The following TMEM150C variants were observed in gnomAD, a reference collection of about 807,000 sequenced individuals.
The protein encoded by TMEM150C is transmembrane protein 150C, also known as tentonin 3.
A neutral mutation model predicts 29.9 loss-of-function variants in TMEM150C; 10 were observed. That is an observed-to-expected ratio of 0.33 (90% CI 0.21 to 0.57). The LOEUF (loss-of-function observed/expected upper bound fraction) is 0.57. Among genes scored for constraint, TMEM150C ranks in the 20% least tolerant of loss-of-function variants. The probability of loss-of-function intolerance (pLI) is 0.88; values close to 1 mark genes in which losing one functional copy is unlikely to be tolerated. For missense variants in TMEM150C, 251 were observed against 303.6 expected (o/e 0.83, Z 1.29); for synonymous variants, 101 against 112.5 (o/e 0.90, Z 0.64).
At chr4:82,544,479 A>G (rs767136295) in intron 1 of TMEM150C, among the ~76,000 whole-genome samples, 48 of 152,332 alleles carry the variant, frequency 3.2e-4, no homozygotes, top group Admixed American at 1.2e-3. Context: ...GACCAGTATC[A>G]TTAAGATCAA....
At chr4:82,495,049 C>A (rs1723498343) in intron 6 of TMEM150C, 3 of 1,229,772 alleles carry the variant, frequency 2.4e-6, no homozygotes, top group Non-Finnish European at 3.4e-6. Flanking sequence ...CGTGGAGTAA[C>A]AAGATGCTGA....
At chr4:82,502,186 G>T (rs989925107) in intron 5 of TMEM150C, among the ~76,000 whole-genome samples, 6 of 152,158 alleles carry the variant, frequency 3.9e-5, no homozygotes, top group Admixed American at 3.3e-4. Flanking sequence ...AGGAACTGGG[G>T]CTAGATATGA....
chr4:82,485,933 C>G (rs1427600546), intron 7 of TMEM150C, among the ~76,000 whole-genome samples: 2 of 152,170 alleles, frequency 1.3e-5, no homozygotes, highest in Non-Finnish European at 2.9e-5. Flanking sequence ...TAGGTGCTTT[C>G]ATGGATAGTA....
chr4:82,490,501 GA>G (rs1480027908), intron 6 of TMEM150C, among the ~76,000 whole-genome samples: 1 of 152,146 alleles, frequency 6.6e-6, no homozygotes, highest in Admixed American at 6.6e-5. Context: ...TACAGAAAAA[GA>G]AATGTTTCTA....
chr4:82,503,701 T>G (rs1170616655), intron 2 of TMEM150C, among the ~76,000 whole-genome samples: 1 of 151,858 alleles, frequency 6.6e-6, no homozygotes, highest in Non-Finnish European at 1.5e-5. Context: ...ATACAAAAAA[T>G]TAACTGGGTG....
intron 6 of TMEM150C, among the ~76,000 whole-genome samples, chr4:82,493,184 A>G (rs1054246829): frequency 6.6e-6 from 1 of 151,728 alleles, no homozygotes; most frequent in Non-Finnish European, 1.5e-5. Context: ...CTTTCCTTTT[A>G]CAATTTTTTC....
chr4:82,555,231 C>T (rs561861951), intron 1 of TMEM150C, among the ~76,000 whole-genome samples: 65 of 152,240 alleles, frequency 4.3e-4, no homozygotes, highest in African/African-American at 1.5e-3. Flanking sequence ...AACTATGTCA[C>T]GAGGCACTTG....
intron 2 of TMEM150C, among the ~76,000 whole-genome samples, chr4:82,503,589 G>A (rs974802794): frequency 6.6e-6 from 1 of 152,256 alleles, no homozygotes; most frequent in East Asian, 1.9e-4. Flanking sequence ...AGTGGCTCAC[G>A]CCTGTAATCC....
intron 1 of TMEM150C, among the ~76,000 whole-genome samples, chr4:82,554,361 T>C (rs1249875549): frequency 1.3e-5 from 2 of 152,200 alleles, no homozygotes; most frequent in African/African-American, 4.8e-5. Context: ...AGTAAAAAAA[T>C]ACTATTTCTA....
At chr4:82,561,425 C>T (rs1229811253) in intron 1 of TMEM150C, among the ~76,000 whole-genome samples, 1 of 152,214 alleles carries the variant, frequency 6.6e-6, no homozygotes, top group African/African-American at 2.4e-5. Context: ...CCTGACCTGG[C>T]TAACCGCAAA....
Position 82,561,076 on chromosome 4 carries a change from TG to T in TMEM150C, c.-11+829del, listed in dbSNP as rs534414715. Reference sequence around the variant, plus strand: ...ATGTGTGGGACATCATAAAGTGCTGTGGGGGTAGGGGTGGAGGAAAGGAATG... The same window carrying T: ...ATGTGTGGGACATCATAAAGTGCTGTGGGGTAGGGGTGGAGGAAAGGAATG... On this transcript the variant is annotated intron_variant, in intron 1 of 7. Transcript: ENST00000449862. Among the ~76,000 whole-genome samples, 405 of 152,110 alleles carry T rather than the reference TG, an allele frequency of 2.7e-3. 3 individuals carry two copies. Among genetic ancestry groups the T allele is most frequent in the African/African-American group, 9.0e-3 (374 of 41,498 alleles).
intron 2 of TMEM150C, among the ~76,000 whole-genome samples, chr4:82,503,561 ACATAT>A (rs1199736989): frequency 6.6e-6 from 1 of 152,212 alleles, no homozygotes; most frequent in Non-Finnish European, 1.5e-5. Flanking sequence ...CATTTTATAA[ACATAT>A]CAGGCCGGGC....
At chr4:82,527,019 C>CTT (rs893109064) in intron 1 of TMEM150C, among the ~76,000 whole-genome samples, 2,402 of 74,544 alleles carry the variant, frequency 0.032, 49 homozygotes, top group South Asian at 0.048. Flanking sequence ...CATACTGGGT[C>CTT]TTTTTTTTTT....
At chr4:82,491,090 C>T in intron 6 of TMEM150C, 1 of 707,382 alleles carries the variant, frequency 1.4e-6, no homozygotes, top group Admixed American at 1.9e-5. Flanking sequence ...AGCAAGAGAC[C>T]CCCATTTTAC....
intron 1 of TMEM150C, among the ~76,000 whole-genome samples, chr4:82,535,733 T>G (rs79823646): frequency 0.18 from 26,868 of 152,124 alleles, 2,343 homozygotes; most frequent in Middle Eastern, 0.31. Context: ...CTAGACTGGG[T>G]AGCAGCAGTA....
chr4:82,548,244 G>A (rs1725450298), intron 1 of TMEM150C, among the ~76,000 whole-genome samples: 1 of 152,094 alleles, frequency 6.6e-6, no homozygotes, highest in African/African-American at 2.4e-5. Flanking sequence ...CTCAGTACCT[G>A]GGTGATGAGA....
chr4:82,487,169 C>T (rs1723190436), intron 7 of TMEM150C, among the ~76,000 whole-genome samples: 1 of 152,186 alleles, frequency 6.6e-6, no homozygotes, highest in African/African-American at 2.4e-5. Context: ...TTGGGATAGG[C>T]TGGACAAGGT....
At chr4:82,527,330 G>A (rs147371035) in intron 1 of TMEM150C, among the ~76,000 whole-genome samples, 62 of 152,136 alleles carry the variant, frequency 4.1e-4, no homozygotes, top group African/African-American at 7.7e-4. Context: ...CTTATGTTCC[G>A]AGGATCAGGG....
chr4:82,502,873 CAGAAG>C lies in TMEM150C; in HGVS notation c.167+17_167+21del. The C allele has an allele frequency of 1.3e-6, 2 of 1,597,242 alleles. No homozygotes were observed. The highest frequency in any genetic ancestry group is 1.7e-4 in the Middle Eastern group (1 of 6,036). On this transcript the variant is annotated intron_variant, in intron 4 of 7. Transcript: ENST00000449862. ...TAACTTTTCCTACGGTCCCACAGGA[CAGAAG>C]AGAATTGCTGGGTTACCTTATATAT...
Sources: gnomAD v4.1 joint callset for allele counts (sites outside exome capture counted in the v4.1 genomes callset) on GRCh38, gnomAD v4.1.1 for gene constraint, MANE v1.5 for transcripts, NCBI Gene and HGNC (gene_info 2026-07-23, HGNC 2026-07-21) for gene names.